Variants in ZNF705B observed in about 807,000 individuals in gnomAD.
ZNF705B encodes Putative zinc finger protein 705D-like protein LOC100132396.
A neutral mutation model predicts 10.5 loss-of-function variants in ZNF705B; 1 was observed. The ratio of observed to expected loss-of-function variants is 0.10; its 90% CI spans 0.03 to 0.45. The LOEUF (loss-of-function observed/expected upper bound fraction) is 0.45. Ranked by LOEUF, ZNF705B falls within the 20% of genes least tolerant of loss-of-function variation. The probability of loss-of-function intolerance (pLI) is 0.97; values close to 1 mark genes in which losing one functional copy is unlikely to be tolerated. For missense variants in ZNF705B, 14 were observed against 84.0 expected (o/e 0.17, Z 3.26); for synonymous variants, 4 against 25.4 (o/e 0.16, Z 2.53).
rs1400403688 is a variant in ZNF705B, at chr8:7,930,855, TTTG to T, written c.-72+434_-72+436del. 2.8e-4 allele frequency among the ~76,000 whole-genome samples: 30 copies of T among 108,700 alleles called. 2 individuals are homozygous for T. The highest frequency in any genetic ancestry group is 5.4e-4 in the Admixed American group (5 of 9,194). 71.3% of individuals were successfully genotyped at this position (108,700 alleles called of 152,430 possible). A position where few individuals can be genotyped will look rare whatever the true frequency, so the allele number is the denominator to read the frequency against. ...TTGTGTTATTTTTTTTGTTTTTTTT[TTTG>T]TTGTTGTTGTTGTTTTGAGACAGAG... On this transcript the variant is annotated intron_variant, in intron 2 of 6. Coordinates refer to ENST00000400120, the MANE Select transcript of ZNF705B (RefSeq NM_001193630.1).
At chr8:7,929,452 C>G (rs1413268590) in intron 1 of ZNF705B, among the ~76,000 whole-genome samples, 1 of 120,834 alleles carries the variant, frequency 8.3e-6, no homozygotes, top group African/African-American at 2.5e-5. Flanking sequence ...CTCAATATCA[C>G]TATTTTATAA....
At chr8:7,926,542 T>C (rs1225841218) in intron 1 of ZNF705B, 145 bp downstream of exon 1, 2 of 110,474 alleles carry the variant, frequency 1.8e-5, no homozygotes, top group Non-Finnish European at 4.3e-5. Flanking sequence ...TTATTATTAT[T>C]ATTATTATCA....
rs749093501 is a variant in ZNF705B, at chr8:7,950,143, C to T, written c.235+15C>T. The T allele has an allele frequency of 9.7e-6, 8 of 826,398 alleles. 3 individuals carry two copies. In the South Asian group the frequency reaches 1.5e-4, roughly 15 times the overall value. 51.2% of individuals were successfully genotyped at this position (826,398 alleles called of 1,614,324 possible). ...CCAGAATCCAGGTAAGCAACAGGGT[C>T]CTGTGTCCTAATAGGAGGAGGTGCT... On this transcript the variant is annotated intron_variant, in intron 5 of 6. Transcript: ENST00000400120.
At chr8:7,931,643 C>T (rs2739895) in intron 2 of ZNF705B, among the ~76,000 whole-genome samples, 1,465 of 103,526 alleles carry the variant, frequency 0.014, 64 homozygotes, top group African/African-American at 0.02. Context: ...GGAATAGTGC[C>T]CAGGCAGGTG....
At position 7,940,458 on chromosome 8, in the gene ZNF705B, C is replaced by G. The variant is rs2128944469; in HGVS notation, c.-71-6893C>G. ...TTGGTAAGAAATATTGGTAAGAATACAAAATCTACCCTTTTAGCAAATTTT... is the reference window on the plus strand; with the variant it reads ...TTGGTAAGAAATATTGGTAAGAATAGAAAATCTACCCTTTTAGCAAATTTT... On this transcript the variant is annotated intron_variant, in intron 2 of 6. Transcript: ENST00000400120. Among the ~76,000 whole-genome samples the G allele has an allele frequency of 1.6e-5, 2 of 122,092 alleles. 1 individual carries two copies. Among genetic ancestry groups the G allele is most frequent in the Non-Finnish European group, 3.7e-5 (2 of 53,672 alleles). 80.1% of individuals were successfully genotyped at this position (122,092 alleles called of 152,430 possible). A position where few individuals can be genotyped will look rare whatever the true frequency, so the allele number is the denominator to read the frequency against.
chr8:7,936,411 G>C (rs2739909), intron 2 of ZNF705B, among the ~76,000 whole-genome samples: 11,486 of 116,156 alleles, frequency 0.099, 1,466 homozygotes, highest in African/African-American at 0.22. Flanking sequence ...CTTGTAAAAA[G>C]ACCTAAATCT....
In ZNF705B at chr8:7,926,493, G is replaced by C. The variant is rs972846095; in HGVS notation, c.-222+96G>C. On this transcript the variant is annotated intron_variant, in intron 1 of 6. Coordinates refer to ENST00000400120, the MANE Select transcript of ZNF705B (RefSeq NM_001193630.1). ...TGTAAGTGTAGGAGACAGGAATGTAGACAACAGATTTCAGCCTCCACTTTA... is the reference window on the plus strand; with the variant it reads ...TGTAAGTGTAGGAGACAGGAATGTACACAACAGATTTCAGCCTCCACTTTA... 19 of 116,678 alleles carry C rather than the reference G, an allele frequency of 1.6e-4. No homozygotes were observed. The Admixed American group carries it at 1.9e-3, about 12-fold the overall frequency. The allele number at this position is 116,678 out of a possible 1,614,324, so 7.2% of individuals were successfully genotyped here.
chr8:7,929,377 A>G (rs1232268322), intron 1 of ZNF705B, among the ~76,000 whole-genome samples: 8 of 121,696 alleles, frequency 6.6e-5, no homozygotes, highest in African/African-American at 2.0e-4. Context: ...TTATATTTCC[A>G]AAAGGAAAGT....
chr8:7,935,690 T>C (rs565093782), intron 2 of ZNF705B, among the ~76,000 whole-genome samples: 10 of 100,138 alleles, frequency 1.0e-4, no homozygotes, highest in African/African-American at 2.2e-4. Context: ...AGACCAAATA[T>C]ATGCAACATC....
At chr8:7,928,749 C>CAAA (rs548498381) in intron 1 of ZNF705B, among the ~76,000 whole-genome samples, 17,701 of 50,544 alleles carry the variant, frequency 0.35, 1,708 homozygotes, top group Non-Finnish European at 0.44. Context: ...AACCAGGTAG[C>CAAA]AAAAAAAAAA....
intron 2 of ZNF705B, among the ~76,000 whole-genome samples, chr8:7,932,006 G>T (rs548238728): frequency 8.3e-6 from 1 of 120,588 alleles, no homozygotes. Flanking sequence ...TCTTTTGGGG[G>T]CTGGGCTCTC....
intron 2 of ZNF705B, among the ~76,000 whole-genome samples, chr8:7,931,267 C>T (rs1302378361): frequency 2.3e-4 from 28 of 121,200 alleles, no homozygotes; most frequent in African/African-American, 7.0e-4. Context: ...CTCGTGACCC[C>T]AGATGGCATG....
chr8:7,929,086 T>G (rs1269886679), intron 1 of ZNF705B, among the ~76,000 whole-genome samples: 1 of 121,530 alleles, frequency 8.2e-6, no homozygotes, highest in Non-Finnish European at 2.0e-5. Context: ...CAAAAACTAC[T>G]GAAATTTGAA....
chr8:7,936,824 T>C (rs2740649), intron 2 of ZNF705B, among the ~76,000 whole-genome samples: 9,530 of 114,910 alleles, frequency 0.083, 1,161 homozygotes, highest in African/African-American at 0.2. Flanking sequence ...ACACAATATA[T>C]CCATGTAACA....
intron 2 of ZNF705B, among the ~76,000 whole-genome samples, chr8:7,940,529 C>T (rs554211409): frequency 0.049 from 5,659 of 114,754 alleles, 592 homozygotes; most frequent in African/African-American, 0.15. Flanking sequence ...ATGCTGTAAA[C>T]GAGACCTCCA....
chr8:7,930,073 G>A (rs1819800091), intron 1 of ZNF705B, among the ~76,000 whole-genome samples: 1 of 106,494 alleles, frequency 9.4e-6, no homozygotes, highest in Non-Finnish European at 2.2e-5. Flanking sequence ...TTTGGAGTAT[G>A]GATCTCATTA....
At chr8:7,927,440 T>A (rs1371834578) in intron 1 of ZNF705B, among the ~76,000 whole-genome samples, 2 of 121,398 alleles carry the variant, frequency 1.6e-5, no homozygotes, top group African/African-American at 5.0e-5. Context: ...TTTTTTCATG[T>A]TTGTTGGCTG....
chr8:7,927,369 A>G (rs1265481681), intron 1 of ZNF705B, among the ~76,000 whole-genome samples: 1 of 121,222 alleles, frequency 8.2e-6, no homozygotes, highest in African/African-American at 2.5e-5. Context: ...AAGTTGACTT[A>G]AAAGTTCCTC....
chr8:7,930,837 A>ATT (rs1273091582), intron 2 of ZNF705B, among the ~76,000 whole-genome samples: 1 of 69,704 alleles, frequency 1.4e-5, no homozygotes, highest in African/African-American at 3.6e-5. Context: ...GTGTTGTGTT[A>ATT]TTTTTTTTGT....
Sources: allele counts gnomAD v4.1 joint callset (sites outside exome capture counted in the v4.1 genomes callset), GRCh38; gene constraint gnomAD v4.1.1; transcripts MANE v1.5; gene names NCBI Gene and HGNC (gene_info 2026-07-23, HGNC 2026-07-21).